The following HOXA3 variants were observed in gnomAD, a reference collection of about 807,000 sequenced individuals.
HOXA3 encodes the protein homeobox protein Hox-A3.
A neutral mutation model predicts 30.3 loss-of-function variants in HOXA3; 8 were observed. The ratio of observed to expected loss-of-function variants is 0.26; its 90% CI spans 0.15 to 0.48. HOXA3 has a LOEUF of 0.48. Among genes scored for constraint, HOXA3 ranks in the 20% least tolerant of loss-of-function variants. The pLI is 0.99. For missense variants in HOXA3, 653 were observed against 614.4 expected, an observed-to-expected ratio of 1.06 and a Z score of -0.66; for synonymous variants, 323 against 273.1, an observed-to-expected ratio of 1.18 and a Z score of -1.80.
chr7:27,152,085 TGTGTGTGTGCGTGCGC>T (rs1782990130), intron 1 of HOXA3, among the ~76,000 whole-genome samples, 187 bp downstream of exon 1: 1 of 143,912 alleles, frequency 6.9e-6, no homozygotes, highest in Non-Finnish European at 1.6e-5. Context: ...GTGGTGTGTG[TGTGTGTGTGCGTGCGC>T]GCGTGTGTGC....
At position 27,110,367 on chromosome 7, in the gene HOXA3, G is replaced by T. The variant is rs1182712985; in HGVS notation, c.274C>A (p.Pro92Thr). ...GGGGGCGCGGCCTGGGGCGGCGGCG[G>T]GTGCAGGGGCGGCTCTCCCAGGCTT... ...PPSLGEPPLH[P>T]PPPQAAPPAP... The change falls in exon 5 of 6, where the codon CCG becomes ACG. Residue 92 changes from proline to threonine, a missense_variant. Physicochemically the swap from Pro to Thr is conservative, Grantham distance 38 (BLOSUM62 -1). Transcript: ENST00000612286. 2.7e-6 allele frequency: 4 copies of T among 1,508,872 alleles called. No homozygotes were observed. The highest frequency in any genetic ancestry group is 3.5e-6 in the Non-Finnish European group (4 of 1,134,038). The allele number at this position is 1,508,872 out of a possible 1,614,324, so 93.5% of individuals were successfully genotyped here.
Position 27,110,431 on chromosome 7 carries a change from C to G in HOXA3, c.210G>C (p.Ala70=), listed in dbSNP as rs778158282. The G allele has an allele frequency of 1.3e-6, 2 of 1,566,380 alleles. No homozygotes were observed. The change falls in exon 5 of 6, where the codon GCG becomes GCC. Residue 70 remains alanine (A), a synonymous_variant. Transcript: ENST00000612286. Reference sequence around the variant, plus strand: ...GTGGGGCGCTCAGGGTGCGCAGGCACGCCTCACTCAGTTCGTGTGCCTTGG... The same window carrying G: ...GTGGGGCGCTCAGGGTGCGCAGGCAGGCCTCACTCAGTTCGTGTGCCTTGG... ...GHPKAHELSE[A]CLRTLSAPPS...
intron 4 of HOXA3, among the ~76,000 whole-genome samples, chr7:27,114,771 A>ACACACACACAC (rs1554336653): frequency 7.5e-6 from 1 of 133,150 alleles, no homozygotes; most frequent in African/African-American, 2.8e-5. Context: ...ACACACACGC[A>ACACACACACAC]GGGCAGAGGA....
chr7:27,128,817 G>C (rs907230860), intron 2 of HOXA3: 5 of 228,942 alleles, frequency 2.2e-5, no homozygotes, highest in Non-Finnish European at 4.3e-5. Context: ...CCTTAATGGG[G>C]GAAGAGGAGG....
intron 2 of HOXA3, chr7:27,129,666 A>G: frequency 1.5e-6 from 2 of 1,292,410 alleles, no homozygotes; most frequent in Non-Finnish European, 2.2e-6. Flanking sequence ...GGGAAGAGCA[A>G]TTGGACATCA....
chr7:27,117,798 T>G (rs773921337), intron 4 of HOXA3, among the ~76,000 whole-genome samples: 1 of 135,830 alleles, frequency 7.4e-6, no homozygotes, highest in Non-Finnish European at 1.6e-5. Context: ...TGCAAGCCGG[T>G]CCACCTCTGC....
intron 1 of HOXA3, among the ~76,000 whole-genome samples, chr7:27,143,853 G>T (rs544414332): frequency 2.0e-5 from 3 of 152,214 alleles, no homozygotes; most frequent in South Asian, 2.1e-4. Context: ...AGGCGAGGGG[G>T]GTGGCGCGCG....
At chr7:27,147,309 C>A (rs758732272) in intron 1 of HOXA3, 2 of 1,612,688 alleles carry the variant, frequency 1.2e-6, no homozygotes, top group Non-Finnish European at 1.7e-6. Flanking sequence ...ATGTCTTACC[C>A]GCGCAGGAGT....
chr7:27,148,928 G>A (rs1309467370), intron 1 of HOXA3, among the ~76,000 whole-genome samples: 1 of 152,250 alleles, frequency 6.6e-6, no homozygotes, highest in Admixed American at 6.5e-5. Flanking sequence ...CTCGGTTTCC[G>A]GGGCGCCCGA....
At chr7:27,141,059 C>T (rs891521094) in intron 1 of HOXA3, 1 of 114,698 alleles carries the variant, frequency 8.7e-6, no homozygotes, top group Non-Finnish European at 1.7e-5. Flanking sequence ...AGAGAACTTA[C>T]AATAGAAAGT....
At chr7:27,128,402 T>TC (rs1314843261) in intron 2 of HOXA3, 4 of 152,330 alleles carry the variant, frequency 2.6e-5, no homozygotes, top group African/African-American at 9.6e-5. Context: ...GCCGTCAGAA[T>TC]CCAAGTGAAT....
At chr7:27,129,878 C>T in intron 2 of HOXA3, 1 of 607,774 alleles carries the variant, frequency 1.6e-6, no homozygotes. Flanking sequence ...TAATTACTGC[C>T]CTAACAGTTT....
At chr7:27,144,971 C>T (rs946673873) in intron 1 of HOXA3, among the ~76,000 whole-genome samples, 5 of 152,188 alleles carry the variant, frequency 3.3e-5, no homozygotes, top group Non-Finnish European at 7.4e-5. Context: ...GAGCCTACCC[C>T]GGGCTGTAAT....
intron 4 of HOXA3, among the ~76,000 whole-genome samples, chr7:27,119,110 A>C (rs1305277926): frequency 6.6e-6 from 1 of 152,076 alleles, no homozygotes; most frequent in Non-Finnish European, 1.5e-5. Flanking sequence ...TAAACATAAA[A>C]AATATCAGAG....
intron 4 of HOXA3, 137 bp from the exon 5 acceptor site, chr7:27,110,897 G>C (rs950624303): frequency 3.8e-5 from 18 of 478,768 alleles, no homozygotes; most frequent in Non-Finnish European, 6.6e-5. Flanking sequence ...CGGGCGCAGG[G>C]AGCCGTGCTA....
rs1490792099 is a variant in HOXA3 at position 27,113,135 on chromosome 7, G to C, written c.-120-2375C>G. Among the ~76,000 whole-genome samples the C allele has an allele frequency of 1.3e-5, 2 of 152,122 alleles. No individual in the cohort carries two copies. Among genetic ancestry groups the C allele is most frequent in the Admixed American group, 1.3e-4 (2 of 15,278 alleles). ...GCTCTGTACCGCCAAGCAAGGGCTG[G>C]GGATGAGGGGAGATTCCTCCACAAA... On this transcript the variant is annotated intron_variant, in intron 4 of 5. Transcript: ENST00000612286. This position sits in a 1 kb window ranked among gnomAD's most constrained non-coding sequence, Gnocchi z 4.8.
chr7:27,127,641 C>A (rs961452290), intron 2 of HOXA3, among the ~76,000 whole-genome samples: 2 of 152,132 alleles, frequency 1.3e-5, no homozygotes, highest in Non-Finnish European at 2.9e-5. Context: ...GTAGGGAACT[C>A]CCTGCAGTAA....
chr7:27,151,951 C>A (rs1426369469), intron 1 of HOXA3, among the ~76,000 whole-genome samples: 6 of 152,014 alleles, frequency 3.9e-5, no homozygotes, highest in Non-Finnish European at 7.4e-5. Flanking sequence ...TTCACGGGGT[C>A]GCTAGGGAAG....
chr7:27,130,557 C>G, intron 2 of HOXA3: 3 of 1,431,728 alleles, frequency 2.1e-6, no homozygotes, highest in Non-Finnish European at 2.8e-6. Context: ...CGTGAGGGAG[C>G]TGGGGCTGCT....
Sources: allele counts gnomAD v4.1 joint callset (sites outside exome capture counted in the v4.1 genomes callset), GRCh38; gene constraint gnomAD v4.1.1; non-coding constraint Gnocchi (gnomAD v3.1); transcripts MANE v1.5; gene names NCBI Gene and HGNC (gene_info 2026-07-23, HGNC 2026-07-21).